The following TTC28 variants were observed in gnomAD, a reference collection of about 807,000 sequenced individuals.
TTC28 encodes the protein tetratricopeptide repeat domain 28, also known as tetratricopeptide repeat protein 28.
A neutral mutation model predicts 198.0 loss-of-function variants in TTC28; 61 were observed. The observed-to-expected ratio is 0.31, with a 90% CI of 0.25 to 0.38. The LOEUF (loss-of-function observed/expected upper bound fraction) is 0.38, where lower values mean the gene tolerates loss of function less well. TTC28 is among the 10% of genes least tolerant of loss of function. The pLI is 1.00. For missense variants in TTC28, 2,678 were observed against 3,164.0 expected (o/e 0.85, Z 3.69); for synonymous variants, 1,171 against 1,297.8 (o/e 0.90, Z 2.10).
At position 28,493,518 on chromosome 22, in the gene TTC28, T is replaced by C. The variant is rs554693920; in HGVS notation, c.381+136034A>G. Among the ~76,000 whole-genome samples the C allele has an allele frequency of 1.3e-4, 20 of 152,330 alleles. 1 individual carries two copies. Among genetic ancestry groups the C allele is most frequent in the African/African-American group, 4.3e-4 (18 of 41,576 alleles). Reference sequence around the variant, plus strand: ...ACAAGTAACCAAACAGCTGGTGACATTGTTTTGTAGATGTTTTCCATCTAA... The same window carrying C: ...ACAAGTAACCAAACAGCTGGTGACACTGTTTTGTAGATGTTTTCCATCTAA... On this transcript the variant is annotated intron_variant, in intron 2 of 22. Transcript: ENST00000397906.
At chr22:28,043,440 T>C (rs981308162) in intron 12 of TTC28, among the ~76,000 whole-genome samples, 1 of 151,738 alleles carries the variant, frequency 6.6e-6, no homozygotes, top group Non-Finnish European at 1.5e-5. Flanking sequence ...TGTGGCTAGT[T>C]CTATAGGCTG....
At position 28,107,147 on chromosome 22, in the gene TTC28, A is replaced by G. The variant is rs746398708; in HGVS notation, c.2698T>C (p.Tyr900His). The change falls in exon 7 of 23, where the codon TAT becomes CAT. Residue 900 changes from tyrosine (Y) to histidine (H), a missense_variant. Coordinates refer to ENST00000397906, the MANE Select transcript of TTC28 (RefSeq NM_001145418.2). ...TGCGCGACAGATAAATATTGTTCAT[A>G]GTATTTGATAGCTTCCTCATAGTCA... Reference protein sequence around the residue: ...LGDYEEAIKYYEQYLSVAQSL... With the variant: ...LGDYEEAIKYHEQYLSVAQSL... 23 of 1,551,712 alleles carry G rather than the reference A, an allele frequency of 1.5e-5. No homozygotes were observed. Among genetic ancestry groups the G allele is most frequent in the Non-Finnish European group, 1.9e-5 (22 of 1,146,988 alleles).
intron 5 of TTC28, among the ~76,000 whole-genome samples, chr22:28,192,192 C>T (rs1215057701): frequency 2.6e-5 from 4 of 152,160 alleles, no homozygotes; most frequent in Non-Finnish European, 1.5e-5. Flanking sequence ...CTGGAGTGGA[C>T]CTCCAGCAAA....
chr22:27,982,906 G>A lies in TTC28; in HGVS notation c.6761C>T (p.Thr2254Ile), dbSNP rs1169172175. The A allele has an allele frequency of 2.6e-6, 4 of 1,551,576 alleles. No homozygotes were observed. Among genetic ancestry groups the A allele is most frequent in the African/African-American group, 2.7e-5 (2 of 73,046 alleles). Residue 2254 changes from threonine (T) to isoleucine (I), a missense_variant, in exon 23 of 23, where the codon ACC becomes ATC. Physicochemically the swap from Thr to Ile is moderately conservative, Grantham distance 89. This residue lies in a region of TTC28 where 622 missense variants were observed against 656.0 expected (regional missense o/e 0.95). Coordinates refer to ENST00000397906, the MANE Select transcript of TTC28 (RefSeq NM_001145418.2). The surrounding 1 kb of genome is among the most constrained non-coding windows in gnomAD (Gnocchi z 5.2). ...KVSSGYSSPT[T>I]SEMSIKDSPS... The stretch of plus-strand genomic sequence containing the variant: ...GCTGTCTTTGATGGACATCTCTGAG[G>A]TGGTGGGGCTGCTATATCCGGAACT...
At chr22:28,581,535 G>A (rs1019809133) in intron 2 of TTC28, among the ~76,000 whole-genome samples, 4 of 152,194 alleles carry the variant, frequency 2.6e-5, no homozygotes, top group Non-Finnish European at 5.9e-5. Context: ...ATTTAAGGGA[G>A]GTAATTATCA....
At chr22:28,084,891 A>G (rs1452238719) in intron 12 of TTC28, among the ~76,000 whole-genome samples, 1 of 152,192 alleles carries the variant, frequency 6.6e-6, no homozygotes, top group Non-Finnish European at 1.5e-5. Context: ...CGATGCGATC[A>G]ACTGGAAGAA....
At chr22:28,007,662 C>A (rs1382072432) in intron 14 of TTC28, 2 of 152,310 alleles carry the variant, frequency 1.3e-5, no homozygotes, top group East Asian at 1.9e-4. Flanking sequence ...GATCCCTCCA[C>A]CCCTAGTGGC....
intron 2 of TTC28, among the ~76,000 whole-genome samples, chr22:28,387,529 T>C (rs2046630229): frequency 6.6e-6 from 1 of 152,198 alleles, no homozygotes; most frequent in Non-Finnish European, 1.5e-5. Context: ...CTTTAATGAT[T>C]GCCATTCTAA....
At chr22:28,015,016 T>C (rs550294600) in intron 13 of TTC28, among the ~76,000 whole-genome samples, 1 of 152,374 alleles carries the variant, frequency 6.6e-6, no homozygotes, top group East Asian at 1.9e-4. Flanking sequence ...TGTTCCAATG[T>C]TTCCAGGCAT....
At chr22:28,394,401 T>C (rs1008032296) in intron 2 of TTC28, among the ~76,000 whole-genome samples, 2 of 152,204 alleles carry the variant, frequency 1.3e-5, no homozygotes, top group East Asian at 3.9e-4. Flanking sequence ...TTTGCTATTG[T>C]TCCCCTGATC....
intron 2 of TTC28, among the ~76,000 whole-genome samples, chr22:28,471,106 C>T (rs183035006): frequency 1.3e-5 from 2 of 152,308 alleles, no homozygotes; most frequent in Admixed American, 1.3e-4. Flanking sequence ...TTCACCAATA[C>T]TTTCATCTTT....
intron 6 of TTC28, among the ~76,000 whole-genome samples, chr22:28,127,812 T>G (rs1335435366): frequency 6.6e-6 from 1 of 151,736 alleles, no homozygotes; most frequent in African/African-American, 2.4e-5. Flanking sequence ...GAAGCCTCAA[T>G]CTCCAAGACT....
At chr22:28,041,887 G>GA (rs892425905) in intron 12 of TTC28, among the ~76,000 whole-genome samples, 51 of 145,860 alleles carry the variant, frequency 3.5e-4, no homozygotes, top group Middle Eastern at 3.5e-3. Flanking sequence ...AAATTTACAA[G>GA]AAAAAAAAAA....
intron 12 of TTC28, among the ~76,000 whole-genome samples, chr22:28,084,027 G>C (rs1307833733): frequency 6.6e-6 from 1 of 152,246 alleles, no homozygotes; most frequent in South Asian, 2.1e-4. Flanking sequence ...CTCAAACTGG[G>C]TGGAGCCCAC....
rs1267862546 is a variant in TTC28 at position 28,553,251 on chromosome 22, G to A, written c.381+76301C>T. Among the ~76,000 whole-genome samples the A allele has an allele frequency of 9.3e-5, 13 of 140,016 alleles. No homozygotes were observed. The East Asian group carries it at 2.4e-3, about 25-fold the overall frequency. The allele number at this position is 140,016 out of a possible 152,430, so 91.9% of individuals were successfully genotyped here. ...GAGCGTCTCTGCCTGGCCGCCCATC[G>A]TCTGGGATGTGAGGAGCCCCTCTGC... On this transcript the variant is annotated intron_variant, in intron 2 of 22. Transcript: ENST00000397906.
Position 28,163,234 on chromosome 22 carries a change from C to G in TTC28, c.1299G>C (p.Glu433Asp), listed in dbSNP as rs1330225373. 4.5e-6 allele frequency: 7 copies of G among 1,551,694 alleles called. No individual in the cohort carries two copies. Among genetic ancestry groups the G allele is most frequent in the Non-Finnish European group, 5.2e-6 (6 of 1,147,040 alleles). The stretch of plus-strand genomic sequence containing the variant: ...GGCCTAGTCCAGCATAGGCCCGCAT[C>G]TCAATAGCCTTCTCCATCAACTCCT... ...LAQELMEKAI[E>D]MRAYAGLGHA... Residue 433 changes from glutamate (E) to aspartate (D), a missense_variant, in exon 6 of 23, where the codon GAG becomes GAC. Transcript: ENST00000397906.
Position 28,553,698 on chromosome 22 carries a change from G to A in TTC28, c.381+75854C>T, listed in dbSNP as rs535835761. On this transcript the variant is annotated intron_variant, in intron 2 of 22. Transcript: ENST00000397906. Reference sequence around the variant, plus strand: ...CAGGCCAGCCGCCCCGTCCGGGAGGGAGGTGGGGGGTCAGCCCCCGCCAGG... The same window carrying A: ...CAGGCCAGCCGCCCCGTCCGGGAGGAAGGTGGGGGGTCAGCCCCCGCCAGG... Among the ~76,000 whole-genome samples the A allele has an allele frequency of 2.0e-4, 30 of 151,880 alleles. No homozygotes were observed. In the East Asian group the frequency reaches 5.1e-3, roughly 26 times the overall value.
chr22:28,435,492 A>T (rs767624059), intron 2 of TTC28, among the ~76,000 whole-genome samples: 2 of 152,238 alleles, frequency 1.3e-5, no homozygotes, highest in South Asian at 4.1e-4. Flanking sequence ...TGAGACATAC[A>T]TTGTTATTAA....
intron 5 of TTC28, among the ~76,000 whole-genome samples, chr22:28,260,853 A>C (rs547737651): frequency 2.0e-5 from 3 of 152,250 alleles, no homozygotes; most frequent in African/African-American, 4.8e-5. Flanking sequence ...TTCATGTAAC[A>C]CTGGTTGTAA....
Sources: gnomAD v4.1 joint callset for allele counts (sites outside exome capture counted in the v4.1 genomes callset) on GRCh38, gnomAD v4.1.1 for gene constraint, gnomAD v4.1.1 regional missense constraint, Gnocchi (gnomAD v3.1) non-coding constraint, MANE v1.5 for transcripts, NCBI Gene and HGNC (gene_info 2026-07-23, HGNC 2026-07-21) for gene names.